Variants in LRBA observed in about 807,000 individuals in gnomAD.
The protein encoded by LRBA is lipopolysaccharide-responsive and beige-like anchor protein.
Under a neutral mutation model 330.0 loss-of-function variants are expected in LRBA, and 176 were observed. The ratio of observed to expected loss-of-function variants is 0.53; its 90% CI spans 0.47 to 0.60. The LOEUF is 0.60. Among genes scored for constraint, LRBA ranks in the 20% least tolerant of loss-of-function variants. The pLI is 0.00. For synonymous variants in LRBA, 1,230 were observed against 1,193.0 expected (o/e 1.03, Z -0.64); for missense variants, 3,259 against 3,444.8 (o/e 0.95, Z 1.35).
At chr4:150,391,558 C>T (rs917124683) in intron 47 of LRBA, among the ~76,000 whole-genome samples, 2 of 152,090 alleles carry the variant, frequency 1.3e-5, no homozygotes, top group African/African-American at 2.4e-5. Context: ...TTTGATTCAA[C>T]AAACTGTTAC....
chr4:150,789,279 C>A (rs1329367752), intron 34 of LRBA, among the ~76,000 whole-genome samples: 1 of 152,060 alleles, frequency 6.6e-6, no homozygotes, highest in Non-Finnish European at 1.5e-5. Context: ...GATTCTGATT[C>A]TTTTATTCAG....
At chr4:150,954,138 C>CG (rs1737246012) in intron 2 of LRBA, among the ~76,000 whole-genome samples, 1 of 146,962 alleles carries the variant, frequency 6.8e-6, no homozygotes, top group Non-Finnish European at 1.5e-5. Context: ...GCCGCCCCGT[C>CG]GGGGAGGTGG....
chr4:150,417,300 A>C (rs1272015028), intron 46 of LRBA, among the ~76,000 whole-genome samples: 1 of 152,150 alleles, frequency 6.6e-6, no homozygotes, highest in Non-Finnish European at 1.5e-5. Context: ...CCAATAAATC[A>C]CTATATAATT....
intron 2 of LRBA, among the ~76,000 whole-genome samples, chr4:150,968,130 G>A (rs112879150): frequency 6.1e-4 from 93 of 151,224 alleles, no homozygotes; most frequent in Non-Finnish European, 1.1e-3. Flanking sequence ...TCAGCCGCCC[G>A]AGTAGCTGGG....
At position 150,435,573 on chromosome 4, in the gene LRBA, CA is replaced by C. The variant is rs751929197; in HGVS notation, c.7041+15del. ...TGCACTGGCAATAACAACTATAAAACAAAACATTTCTGTACCTTAATATCAG... is the reference window on the plus strand; with the variant it reads ...TGCACTGGCAATAACAACTATAAAACAAACATTTCTGTACCTTAATATCAG... On this transcript the variant is annotated intron_variant, in intron 46 of 56. Transcript: ENST00000651943. 67 of 1,593,378 alleles carry C rather than the reference CA, an allele frequency of 4.2e-5. No individual in the cohort carries two copies. In the African/African-American group the frequency reaches 7.2e-4, roughly 17 times the overall value.
At chr4:150,499,116 T>G (rs1206391245) in intron 40 of LRBA, among the ~76,000 whole-genome samples, 1 of 152,216 alleles carries the variant, frequency 6.6e-6, no homozygotes, top group Non-Finnish European at 1.5e-5. Flanking sequence ...TAACACTGCT[T>G]TGGCTAAATT....
intron 52 of LRBA, 54 bp downstream of exon 52, chr4:150,310,175 C>T: frequency 7.7e-7 from 1 of 1,292,504 alleles, no homozygotes; most frequent in East Asian, 2.3e-5. Context: ...TCCTAAGCCT[C>T]TCAATACTAC....
chr4:150,834,748 T>A (rs1351051190), intron 28 of LRBA, among the ~76,000 whole-genome samples: 1 of 152,242 alleles, frequency 6.6e-6, no homozygotes, highest in Non-Finnish European at 1.5e-5. Flanking sequence ...CAGCCTGTCC[T>A]TTGTAACACT....
At chr4:150,277,793 C>G in intron 56 of LRBA, 60 bp downstream of exon 56, 2 of 1,538,190 alleles carry the variant, frequency 1.3e-6, no homozygotes, top group Non-Finnish European at 1.8e-6. Context: ...TAAGCCAACA[C>G]GACCAGTCCC....
chr4:150,279,953 G>T (rs1235327145), intron 55 of LRBA, among the ~76,000 whole-genome samples: 1 of 152,104 alleles, frequency 6.6e-6, no homozygotes, highest in Non-Finnish European at 1.5e-5. Context: ...GCTTTTTACT[G>T]GATAAGTGTT....
chr4:150,481,703 A>G (rs906357513), intron 42 of LRBA, among the ~76,000 whole-genome samples: 23 of 152,142 alleles, frequency 1.5e-4, no homozygotes, highest in South Asian at 8.3e-4. Flanking sequence ...AATTTCTTTC[A>G]TTTAGCATAA....
intron 47 of LRBA, among the ~76,000 whole-genome samples, chr4:150,361,770 T>C (rs1738725247): frequency 8.0e-6 from 1 of 124,460 alleles, no homozygotes; most frequent in South Asian, 2.5e-4. Flanking sequence ...CCCATCATAC[T>C]ACTTTTTTTT....
At chr4:150,908,496 T>G (rs767382643) in intron 10 of LRBA, 29 bp from the exon 11 acceptor site, 1 of 1,563,010 alleles carries the variant, frequency 6.4e-7, no homozygotes, top group South Asian at 1.2e-5. Context: ...CAGTAAAGAG[T>G]TCAATGATTT....
intron 44 of LRBA, among the ~76,000 whole-genome samples, 191 bp downstream of exon 44, chr4:150,467,482 A>G (rs1178159009): frequency 6.6e-6 from 1 of 152,164 alleles, no homozygotes; most frequent in African/African-American, 2.4e-5. Context: ...CAGTGCTAAC[A>G]TCACAAAAGA....
intron 37 of LRBA, among the ~76,000 whole-genome samples, chr4:150,622,108 A>C (rs954201304): frequency 6.6e-6 from 1 of 152,192 alleles, no homozygotes; most frequent in Non-Finnish European, 1.5e-5. Flanking sequence ...AAAGACACTG[A>C]AGTTGTGAAG....
chr4:150,394,851 T>C (rs187325659), intron 47 of LRBA, among the ~76,000 whole-genome samples: 96 of 152,280 alleles, frequency 6.3e-4, no homozygotes, highest in African/African-American at 2.2e-3. Context: ...AGGTGGTCTG[T>C]AGGGAACAAT....
chr4:150,417,822 T>G (rs989552471), intron 46 of LRBA, among the ~76,000 whole-genome samples: 1 of 152,130 alleles, frequency 6.6e-6, no homozygotes, highest in Non-Finnish European at 1.5e-5. Context: ...GGAAGCAGAA[T>G]GGAACAAATG....
At chr4:150,595,064 A>C (rs1453327870) in intron 38 of LRBA, among the ~76,000 whole-genome samples, 1 of 151,968 alleles carries the variant, frequency 6.6e-6, no homozygotes, top group Non-Finnish European at 1.5e-5. Flanking sequence ...TCAAACATAC[A>C]TAAAATAAAA....
At chr4:150,694,045 T>A (rs1286079646) in intron 36 of LRBA, among the ~76,000 whole-genome samples, 1 of 152,148 alleles carries the variant, frequency 6.6e-6, no homozygotes, top group African/African-American at 2.4e-5. Flanking sequence ...ATATACTTGC[T>A]TTTAAAAACA....
Sources: allele counts gnomAD v4.1 joint callset (sites outside exome capture counted in the v4.1 genomes callset), GRCh38; gene constraint gnomAD v4.1.1; transcripts MANE v1.5; gene names NCBI Gene and HGNC (gene_info 2026-07-23, HGNC 2026-07-21).